The following KLF13 variants were observed in gnomAD, a reference collection of about 807,000 sequenced individuals.
KLF13 encodes Krueppel-like factor 13.
Under a neutral mutation model 16.7 loss-of-function variants are expected in KLF13, and 8 were observed. That is an observed-to-expected ratio of 0.48 (90% CI 0.28 to 0.87). KLF13 has a LOEUF of 0.87. Among genes scored for constraint, KLF13 ranks in the 40% least tolerant of loss-of-function variants. The pLI is 0.10. For synonymous variants in KLF13, 245 were observed against 208.4 expected (o/e 1.18, Z -1.51); for missense variants, 447 against 452.2 (o/e 0.99, Z 0.10).
In KLF13 at chr15:31,333,952, T is replaced by A. The variant is rs531522189; in HGVS notation, c.577+6163T>A. On this transcript the variant is annotated intron_variant, in intron 1 of 1. Transcript: ENST00000307145. ...GATACTGGGCACTTCCATCGCCTCA[T>A]GGGGGGGGGAGGGCATGGGATATTA... 2.6e-5 allele frequency among the ~76,000 whole-genome samples: 4 copies of A among 151,116 alleles called. No homozygotes were observed. The East Asian group carries it at 7.8e-4, about 29-fold the overall frequency.
chr15:31,396,746 C>A (rs2039956237), intron 2 of KLF13, among the ~76,000 whole-genome samples: 1 of 152,160 alleles, frequency 6.6e-6, no homozygotes, highest in Non-Finnish European at 1.5e-5. Flanking sequence ...CTTGTAGCCT[C>A]CAGCTGCGTG....
intron 1 of KLF13, among the ~76,000 whole-genome samples, chr15:31,344,036 A>C (rs1030106293): frequency 3.9e-5 from 6 of 152,180 alleles, no homozygotes; most frequent in Non-Finnish European, 5.9e-5. Context: ...TGCTGTGCAC[A>C]AATGGCCTGG....
At chr15:31,406,135 G>A (rs965229411), downstream of KLF13, among the ~76,000 whole-genome samples, 1 of 152,226 alleles carries the variant, frequency 6.6e-6, no homozygotes, top group Non-Finnish European at 1.5e-5. Flanking sequence ...AAAAGCTGAA[G>A]AGTCTGACAG....
chr15:31,422,966 G>A (rs1378078697), intron 1 of KLF13, among the ~76,000 whole-genome samples: 3 of 151,288 alleles, frequency 2.0e-5, no homozygotes, highest in Admixed American at 2.0e-4. Context: ...GAACCTGGGA[G>A]ACAGAGGTTG....
downstream of KLF13, among the ~76,000 whole-genome samples, chr15:31,382,494 C>G (rs2039738371): frequency 6.6e-6 from 1 of 152,168 alleles, no homozygotes; most frequent in Admixed American, 6.5e-5. Flanking sequence ...TCTAGGGGTA[C>G]CTTTGTCTAT....
chr15:31,431,008 C>T (rs145413176), intron 1 of KLF13, among the ~76,000 whole-genome samples: 39 of 152,296 alleles, frequency 2.6e-4, no homozygotes, highest in African/African-American at 8.7e-4. Flanking sequence ...CCAATTCATA[C>T]GTTGAAATTC....
At chr15:31,396,859 T>C (rs367581270) in intron 2 of KLF13, among the ~76,000 whole-genome samples, 2 of 152,318 alleles carry the variant, frequency 1.3e-5, no homozygotes, top group South Asian at 2.1e-4. Flanking sequence ...GGGAAAGGGA[T>C]GTTACAGTCT....
In KLF13 at chr15:31,383,888, C is replaced by T. The variant is rs370473364; in HGVS notation, n.224-51482C>T. 8.6e-5 allele frequency among the ~76,000 whole-genome samples: 13 copies of T among 151,472 alleles called. No individual in the cohort carries two copies. In the East Asian group the frequency reaches 9.8e-4, roughly 11 times the overall value. ...CTGCACTCCAGCCTGGGCAACAGAG[C>T]GAGACTCCGTCTCAAAAAATAAATA... On this transcript the variant is annotated intron_variant and non_coding_transcript_variant, in intron 1 of 1. Coordinates refer to the KLF13 transcript ENST00000558921.
intron 1 of KLF13, among the ~76,000 whole-genome samples, chr15:31,434,807 C>T (rs910410381): frequency 6.6e-6 from 1 of 152,236 alleles, no homozygotes; most frequent in Non-Finnish European, 1.5e-5. Flanking sequence ...TCAATGCCGG[C>T]GCGCAGCAGC....
At chr15:31,333,956 G>T (rs12595328) in intron 1 of KLF13, among the ~76,000 whole-genome samples, 31 of 152,304 alleles carry the variant, frequency 2.0e-4, no homozygotes, top group Admixed American at 8.5e-4. Flanking sequence ...GCCTCATGGG[G>T]GGGGGAGGGC....
intron 1 of KLF13, among the ~76,000 whole-genome samples, chr15:31,371,700 G>T (rs540614058): frequency 3.0e-4 from 45 of 152,354 alleles, no homozygotes; most frequent in Non-Finnish European, 5.9e-4. Context: ...GCTTTGTGGT[G>T]TACTTAGGGG....
chr15:31,402,147 G>A (rs1425471508), intron 2 of KLF13, among the ~76,000 whole-genome samples: 1 of 152,220 alleles, frequency 6.6e-6, no homozygotes, highest in African/African-American at 2.4e-5. Flanking sequence ...CTGTCAGGGG[G>A]CCCAAAGAAG....
intron 1 of KLF13, among the ~76,000 whole-genome samples, chr15:31,425,425 G>T (rs1291984320): frequency 6.6e-6 from 1 of 152,120 alleles, no homozygotes; most frequent in Non-Finnish European, 1.5e-5. Context: ...CTGGCATAAA[G>T]ACCTATAGAC....
At chr15:31,355,356 T>C (rs999292521) in intron 1 of KLF13, among the ~76,000 whole-genome samples, 1 of 152,204 alleles carries the variant, frequency 6.6e-6, no homozygotes, top group African/African-American at 2.4e-5. Context: ...AGTGATGCTC[T>C]AAGGAAAGGC....
At chr15:31,405,935 A>T (rs2040123394), downstream of KLF13, among the ~76,000 whole-genome samples, 1 of 152,270 alleles carries the variant, frequency 6.6e-6, no homozygotes, top group South Asian at 2.1e-4. Flanking sequence ...AAGAGTCATA[A>T]TTAACATCTC....
chr15:31,421,317 G>A (rs554163586), intron 1 of KLF13, among the ~76,000 whole-genome samples: 339 of 152,188 alleles, frequency 2.2e-3, no homozygotes, highest in Non-Finnish European at 4.0e-3. Flanking sequence ...ACACAACGGC[G>A]TAAAAAATAT....
chr15:31,357,652 G>A (rs554084942), intron 1 of KLF13, among the ~76,000 whole-genome samples: 2 of 152,332 alleles, frequency 1.3e-5, no homozygotes, highest in East Asian at 3.9e-4. Flanking sequence ...TGGGTCTGGA[G>A]TCGTCAGTCC....
intron 1 of KLF13, among the ~76,000 whole-genome samples, chr15:31,336,454 C>A (rs1367572734): frequency 6.6e-6 from 1 of 152,166 alleles, no homozygotes; most frequent in African/African-American, 2.4e-5. Context: ...ACCTGAGAGT[C>A]CTTCTTGGGC....
At chr15:31,425,738 G>A (rs187424783) in intron 1 of KLF13, among the ~76,000 whole-genome samples, 1 of 152,256 alleles carries the variant, frequency 6.6e-6, no homozygotes, top group Non-Finnish European at 1.5e-5. Context: ...TTAGTCGGGC[G>A]TGTTAGCACA....
Sources: gnomAD v4.1 joint callset for allele counts (sites outside exome capture counted in the v4.1 genomes callset) on GRCh38, gnomAD v4.1.1 for gene constraint, MANE v1.5 for transcripts, NCBI Gene and HGNC (gene_info 2026-07-23, HGNC 2026-07-21) for gene names.